DMXL2: variants seen among roughly 807,000 people sequenced by gnomAD.
DMXL2 encodes dmX-like protein 2.
Under a neutral mutation model 331.1 loss-of-function variants are expected in DMXL2, and 103 were observed. The ratio of observed to expected loss-of-function variants is 0.31; its 90% CI spans 0.27 to 0.37. The LOEUF (loss-of-function observed/expected upper bound fraction) is 0.37. Ranked by LOEUF, DMXL2 falls within the 10% of genes least tolerant of loss-of-function variation. DMXL2 has a pLI of 1.00. For missense variants in DMXL2, 3,171 were observed against 3,642.9 expected (o/e 0.87, Z 3.33); for synonymous variants, 1,281 against 1,252.1 (o/e 1.02, Z -0.49).
At chr15:51,620,615 T>C (rs1595789688) in intron 1 of DMXL2, among the ~76,000 whole-genome samples, 1 of 152,258 alleles carries the variant, frequency 6.6e-6, no homozygotes, top group East Asian at 1.9e-4. Context: ...CTAGCAGCGG[T>C]GTGGAGGATG....
chr15:51,526,526 GA>G (rs1194954523), intron 13 of DMXL2, among the ~76,000 whole-genome samples: 1 of 152,134 alleles, frequency 6.6e-6, no homozygotes, highest in Non-Finnish European at 1.5e-5. Flanking sequence ...GACAATTCAG[GA>G]AAACATGACC....
At chr15:51,569,249 T>G (rs1418718216) in intron 2 of DMXL2, among the ~76,000 whole-genome samples, 1 of 152,030 alleles carries the variant, frequency 6.6e-6, no homozygotes. Flanking sequence ...TCGAGCTTGG[T>G]GGGAGGAGGT....
rs1555413313 is a variant in DMXL2 at position 51,466,164 on chromosome 15, G to A, written c.7520+20C>T. On this transcript the variant is annotated intron_variant, in intron 30 of 43. Transcript: ENST00000560891. ...AAGAAAAGCCAAAAAAAAAATGAGA[G>A]AAAGAAAAGTCTTATTTACCTATAG... 4 of 1,529,786 alleles carry A rather than the reference G, an allele frequency of 2.6e-6. No individual in the cohort carries two copies. In the South Asian group the frequency reaches 5.2e-5, roughly 20 times the overall value. The allele number at this position is 1,529,786 out of a possible 1,614,324, so 94.8% of individuals were successfully genotyped here. A position where few individuals can be genotyped will look rare whatever the true frequency, so the allele number is the denominator to read the frequency against.
In DMXL2 at chr15:51,528,219, G is replaced by A. The variant is rs116448127; in HGVS notation, c.2436+7444C>T. Among the ~76,000 whole-genome samples the A allele has an allele frequency of 9.9e-3, 1,506 of 152,208 alleles. 18 individuals carry two copies. Among genetic ancestry groups the A allele is most frequent in the African/African-American group, 0.035 (1,449 of 41,530 alleles). On this transcript the variant is annotated intron_variant, in intron 13 of 43. Coordinates refer to ENST00000560891, the MANE Select transcript of DMXL2 (RefSeq NM_001378457.1). ...AGAAACAAATAACAAAATGGCAGGAGTAAGTCCTTACTTACTAATTACTTG... is the reference window on the plus strand; with the variant it reads ...AGAAACAAATAACAAAATGGCAGGAATAAGTCCTTACTTACTAATTACTTG...
intron 16 of DMXL2, among the ~76,000 whole-genome samples, chr15:51,503,585 T>C (rs990717786): frequency 2.0e-5 from 3 of 151,700 alleles, no homozygotes; most frequent in Admixed American, 6.6e-5. Context: ...GGTTGTGGGG[T>C]GGGTGAAGAG....
rs1567122395 is a variant in DMXL2, at chr15:51,563,454, A to G, written c.501-7T>C. 6.3e-7 allele frequency: 1 copy of G among 1,598,660 alleles called. No homozygotes were observed. Among genetic ancestry groups the G allele is most frequent in the East Asian group, 2.3e-5 (1 of 44,194 alleles). Reference sequence around the variant, plus strand: ...ATGTACAGATACTGAGGTTCTAAAAAAGAGAGAGTTAGGCAATTAGCCCTT... The same window carrying G: ...ATGTACAGATACTGAGGTTCTAAAAGAGAGAGAGTTAGGCAATTAGCCCTT... On this transcript the variant is annotated splice_region_variant and splice_polypyrimidine_tract_variant and intron_variant, in intron 5 of 43. Transcript: ENST00000560891.
intron 1 of DMXL2, among the ~76,000 whole-genome samples, chr15:51,616,638 A>T (rs1371036027): frequency 1.3e-5 from 2 of 152,168 alleles, no homozygotes; most frequent in Admixed American, 6.5e-5. Flanking sequence ...AATTTGTTTT[A>T]AAAAATTACT....
Position 51,545,699 on chromosome 15 carries a change from A to C in DMXL2, c.814T>G (p.Leu272Val). ...CCCAAAAGACAGTCTTCTGGTAATA[A>C]AGTTTCTGCCCAGAGCCGGCACACA... Reference protein sequence around the residue: ...DGVCRLWAETLLPEDCLLGEQ... With the variant: ...DGVCRLWAETVLPEDCLLGEQ... Residue 272 changes from leucine (L) to valine (V), a missense_variant, in exon 8 of 44, where the codon TTA (leucine) becomes GTA (valine). This residue lies in a region of DMXL2 where 1,674 missense variants were observed against 1,780.2 expected (regional missense o/e 0.94). Coordinates refer to ENST00000560891, the MANE Select transcript of DMXL2 (RefSeq NM_001378457.1). 6.2e-7 allele frequency: 1 copy of C among 1,613,736 alleles called. No individual in the cohort carries two copies.
chr15:51,593,464 T>C (rs1003337601), intron 1 of DMXL2, among the ~76,000 whole-genome samples: 1 of 152,142 alleles, frequency 6.6e-6, no homozygotes, highest in Non-Finnish European at 1.5e-5. Context: ...ACAATAATAA[T>C]GGGAGACTTT....
intron 6 of DMXL2, among the ~76,000 whole-genome samples, chr15:51,560,957 T>C (rs948658016): frequency 1.3e-5 from 2 of 150,718 alleles, no homozygotes; most frequent in Admixed American, 6.6e-5. Context: ...ACATGTTTTA[T>C]ATATACTTTT....
Position 51,564,231 on chromosome 15 carries a change from T to C in DMXL2, c.394A>G (p.Ile132Val), listed in dbSNP as rs1300502948. The C allele has an allele frequency of 4.4e-6, 7 of 1,597,812 alleles. No homozygotes were observed. The highest frequency in any genetic ancestry group is 1.4e-5 in the African/African-American group (1 of 74,016). The change falls in exon 5 of 44, where the codon ATT (isoleucine) becomes GTT (valine). Residue 132 changes from isoleucine to valine, a missense_variant. Around this residue, in one of 7 missense-constraint regions of DMXL2, gnomAD observed 1,674 missense variants for 1,780.2 expected, o/e 0.94. Coordinates refer to ENST00000560891, the MANE Select transcript of DMXL2 (RefSeq NM_001378457.1). ...DNRLLTATDSIQLWAPPGDDI... is the reference protein window; with the variant it reads ...DNRLLTATDSVQLWAPPGDDI... ...TCTCCTGGAGGAGCCCACAACTGAA[T>C]AGAATCAGTTGCTGTCAACAATCTA...
chr15:51,614,721 T>C lies in DMXL2; in HGVS notation c.87+7738A>G, dbSNP rs138075093. 8.9e-3 allele frequency among the ~76,000 whole-genome samples: 1,352 copies of C among 152,330 alleles called. 15 individuals are homozygous for C. The highest frequency in any genetic ancestry group is 0.02 in the Middle Eastern group (6 of 294). On this transcript the variant is annotated intron_variant, in intron 1 of 43. Transcript: ENST00000560891. ...TTATTGAGTACTTTTTTGTACCACC[T>C]TCTGTTTTAGGTGCTAAAGAAATAG...
Position 51,466,166 on chromosome 15 carries a change from A to G in DMXL2, c.7520+18T>C. On this transcript the variant is annotated intron_variant, in intron 30 of 43. Transcript: ENST00000560891. ...GAAAAGCCAAAAAAAAAATGAGAGAAAGAAAAGTCTTATTTACCTATAGGA... is the reference window on the plus strand; with the variant it reads ...GAAAAGCCAAAAAAAAAATGAGAGAGAGAAAAGTCTTATTTACCTATAGGA... 2 of 1,543,098 alleles carry G rather than the reference A, an allele frequency of 1.3e-6. No homozygotes were observed. The highest frequency in any genetic ancestry group is 1.7e-6 in the Non-Finnish European group (2 of 1,154,116).
intron 20 of DMXL2, among the ~76,000 whole-genome samples, chr15:51,489,394 T>C (rs1318670061): frequency 1.3e-5 from 2 of 152,106 alleles, no homozygotes; most frequent in Non-Finnish European, 2.9e-5. Flanking sequence ...CAGTGGTTCA[T>C]GCCTGTAATC....
intron 1 of DMXL2, among the ~76,000 whole-genome samples, chr15:51,598,930 T>G (rs1247704888): frequency 6.6e-6 from 1 of 152,258 alleles, no homozygotes; most frequent in East Asian, 1.9e-4. Context: ...ATCCATTAGT[T>G]TTAGTACTAC....
At chr15:51,515,797 G>A (rs1318906502) in intron 14 of DMXL2, among the ~76,000 whole-genome samples, 1 of 152,156 alleles carries the variant, frequency 6.6e-6, no homozygotes, top group Non-Finnish European at 1.5e-5. Context: ...GAGTGCAAAG[G>A]AGGCTAAAGT....
chr15:51,573,866 G>GA lies in DMXL2; in HGVS notation c.213+2189dup, dbSNP rs549585574. Among the ~76,000 whole-genome samples the GA allele has an allele frequency of 8.6e-5, 13 of 151,692 alleles. No individual in the cohort carries two copies. The South Asian group carries it at 2.3e-3, about 27-fold the overall frequency. The stretch of plus-strand genomic sequence containing the variant: ...ATAAAAAATATATATATACATATGG[G>GA]AAAAAATCATATTTTTCATAAGAAT... On this transcript the variant is annotated intron_variant, in intron 2 of 43. Coordinates refer to ENST00000560891, the MANE Select transcript of DMXL2 (RefSeq NM_001378457.1).
chr15:51,533,539 A>C (rs1436281025), intron 13 of DMXL2, among the ~76,000 whole-genome samples: 1 of 152,196 alleles, frequency 6.6e-6, no homozygotes, highest in Non-Finnish European at 1.5e-5. Flanking sequence ...AAAAAGGAAA[A>C]GAACATACTT....
chr15:51,533,369 G>A (rs1466213326), intron 13 of DMXL2, among the ~76,000 whole-genome samples: 2 of 151,588 alleles, frequency 1.3e-5, no homozygotes, highest in African/African-American at 4.8e-5. Flanking sequence ...GACTATGAGA[G>A]GTTAAAGATG....
Sources: gnomAD v4.1 joint callset for allele counts (sites outside exome capture counted in the v4.1 genomes callset) on GRCh38, gnomAD v4.1.1 for gene constraint, gnomAD v4.1.1 regional missense constraint, MANE v1.5 for transcripts, NCBI Gene and HGNC (gene_info 2026-07-23, HGNC 2026-07-21) for gene names.